Variants in WWOX observed in about 807,000 individuals in gnomAD.
WWOX encodes the protein WW domain containing oxidoreductase.
In WWOX, 69 loss-of-function variants were observed where a neutral mutation model predicts 46.2. The ratio of observed to expected loss-of-function variants is 1.49; its 90% confidence interval spans 1.23 to 1.82. WWOX has a LOEUF of 1.82. WWOX is among the 40% of genes most tolerant of loss of function. WWOX has a pLI of 0.00. For synonymous variants in WWOX, 359 were observed against 202.6 expected (o/e 1.77, Z -6.56); for missense variants, 919 against 542.6 (o/e 1.69, Z -6.89).
At chr16:78,555,741 A>T in intron 8 of WWOX, among the ~76,000 whole-genome samples, 1 of 152,210 alleles carries the variant, frequency 6.6e-6, no homozygotes, top group East Asian at 1.9e-4. Flanking sequence ...CCACATTTGG[A>T]ATGATTTCAC....
At chr16:78,536,283 T>C (rs971655021) in intron 8 of WWOX, among the ~76,000 whole-genome samples, 1 of 152,086 alleles carries the variant, frequency 6.6e-6, no homozygotes. Context: ...AAAGGTTGAT[T>C]GGAGGGTCTG....
At chr16:78,973,461 C>G (rs2046511485) in intron 8 of WWOX, among the ~76,000 whole-genome samples, 1 of 152,178 alleles carries the variant, frequency 6.6e-6, no homozygotes, top group South Asian at 2.1e-4. Context: ...CTCATATGTT[C>G]TTAAAGTATC....
intron 8 of WWOX, among the ~76,000 whole-genome samples, chr16:78,983,978 C>T (rs78971368): frequency 0.098 from 13,896 of 141,700 alleles, 807 homozygotes; most frequent in East Asian, 0.23. Context: ...CCCAGGTTCA[C>T]GCTATTCTCC....
chr16:79,083,615 C>T (rs1301456851), intron 8 of WWOX, among the ~76,000 whole-genome samples: 1 of 152,180 alleles, frequency 6.6e-6, no homozygotes, highest in Admixed American at 6.5e-5. Flanking sequence ...GCATTACAGG[C>T]TCTAATGCAC....
chr16:78,649,599 A>T (rs367677215), intron 8 of WWOX, among the ~76,000 whole-genome samples: 2 of 152,190 alleles, frequency 1.3e-5, no homozygotes, highest in East Asian at 1.9e-4. Context: ...GTTAATACAT[A>T]CCATGACCTT....
chr16:78,101,138 C>T lies in WWOX; in HGVS notation c.107+1253C>T, dbSNP rs568597155. Among the ~76,000 whole-genome samples the T allele has an allele frequency of 3.5e-3, 514 of 148,526 alleles. 3 individuals carry two copies. Among genetic ancestry groups the T allele is most frequent in the African/African-American group, 0.012 (472 of 40,342 alleles). The stretch of plus-strand genomic sequence containing the variant: ...TCTCGGCTCACTGCAGCCTCCGCCT[C>T]CCGGGTTCACGCCATTCTCCTGCCT... On this transcript the variant is annotated intron_variant, in intron 1 of 8. Coordinates refer to ENST00000566780, the MANE Select transcript of WWOX (RefSeq NM_016373.4).
chr16:78,111,166 A>T (rs2032467252), intron 3 of WWOX, among the ~76,000 whole-genome samples: 1 of 152,172 alleles, frequency 6.6e-6, no homozygotes. Flanking sequence ...GTAACATAAC[A>T]TCTACAATTT....
intron 8 of WWOX, among the ~76,000 whole-genome samples, chr16:78,721,491 CTA>C (rs1481656430): frequency 2.0e-5 from 3 of 152,062 alleles, no homozygotes; most frequent in Admixed American, 2.0e-4. Context: ...GACAGAAACT[CTA>C]TTGCTGGTGG....
chr16:79,208,863 T>C (rs935196775), intron 8 of WWOX, among the ~76,000 whole-genome samples: 2 of 152,066 alleles, frequency 1.3e-5, no homozygotes, highest in Non-Finnish European at 2.9e-5. Context: ...AGACCAAAGG[T>C]GTGGTGTGTA....
At chr16:78,298,628 C>T (rs997927860) in intron 5 of WWOX, among the ~76,000 whole-genome samples, 2 of 152,054 alleles carry the variant, frequency 1.3e-5, no homozygotes, top group Admixed American at 6.6e-5. Flanking sequence ...CTTGCCTCTA[C>T]TAAAAATATA....
intron 8 of WWOX, among the ~76,000 whole-genome samples, chr16:79,178,468 A>G (rs774463008): frequency 6.6e-6 from 1 of 152,044 alleles, no homozygotes; most frequent in Non-Finnish European, 1.5e-5. Flanking sequence ...GGTGAGCACC[A>G]CCATGCCTGG....
At chr16:79,092,237 G>T (rs1385184139) in intron 8 of WWOX, among the ~76,000 whole-genome samples, 1 of 152,094 alleles carries the variant, frequency 6.6e-6, no homozygotes, top group South Asian at 2.1e-4. Context: ...TTACATGTGT[G>T]TTTAGCCCAC....
At chr16:79,090,546 T>G (rs2048939014) in intron 8 of WWOX, among the ~76,000 whole-genome samples, 1 of 152,016 alleles carries the variant, frequency 6.6e-6, no homozygotes, top group Non-Finnish European at 1.5e-5. Context: ...ATAAGTGCTG[T>G]AAAGATAATT....
intron 8 of WWOX, among the ~76,000 whole-genome samples, chr16:78,684,178 G>A (rs553513189): frequency 2.0e-5 from 3 of 152,224 alleles, no homozygotes; most frequent in East Asian, 3.9e-4. Context: ...ATTCCCTAGC[G>A]CAGAAATCCA....
At chr16:78,990,756 G>T (rs563809312) in intron 8 of WWOX, among the ~76,000 whole-genome samples, 2 of 152,312 alleles carry the variant, frequency 1.3e-5, no homozygotes, top group East Asian at 3.9e-4. Context: ...AGGAAGTCTG[G>T]CAAGAGGGCA....
At chr16:78,993,402 G>A (rs987254869) in intron 8 of WWOX, among the ~76,000 whole-genome samples, 6 of 152,102 alleles carry the variant, frequency 3.9e-5, no homozygotes, top group African/African-American at 1.4e-4. Context: ...CATTAACTGG[G>A]GACTCTGCCT....
intron 8 of WWOX, among the ~76,000 whole-genome samples, chr16:79,201,126 ACAG>A (rs1231958203): frequency 1.3e-5 from 2 of 152,100 alleles, no homozygotes; most frequent in Non-Finnish European, 2.9e-5. Flanking sequence ...GGTGTCAAAG[ACAG>A]GAGTCCAATG....
rs188955007 is a variant in WWOX, at chr16:78,560,501, G to T, written c.1056+127749G>T. 1.1e-3 allele frequency among the ~76,000 whole-genome samples: 164 copies of T among 152,138 alleles called. 2 individuals are homozygous for T. Among genetic ancestry groups the T allele is most frequent in the African/African-American group, 3.8e-3 (157 of 41,512 alleles). On this transcript the variant is annotated intron_variant, in intron 8 of 8. Coordinates refer to ENST00000566780, the MANE Select transcript of WWOX (RefSeq NM_016373.4). ...TCTACTAAAAATACAAAAATTAGCCGGGTGTGGCGGTGCATGCCTGTAATC... is the reference window on the plus strand; with the variant it reads ...TCTACTAAAAATACAAAAATTAGCCTGGTGTGGCGGTGCATGCCTGTAATC...
chr16:78,995,189 C>T (rs951341524), intron 8 of WWOX, among the ~76,000 whole-genome samples: 2 of 152,024 alleles, frequency 1.3e-5, no homozygotes, highest in Admixed American at 1.3e-4. Flanking sequence ...AGCTCAGCTT[C>T]TCTCTGCTTG....
Sources: gnomAD v4.1 joint callset for allele counts (sites outside exome capture counted in the v4.1 genomes callset) on GRCh38, gnomAD v4.1.1 for gene constraint, MANE v1.5 for transcripts, NCBI Gene and HGNC (gene_info 2026-07-23, HGNC 2026-07-21) for gene names.